The following FKBP5 variants were observed in gnomAD, a reference collection of about 807,000 sequenced individuals.
FKBP5 encodes FKBP prolyl isomerase 5, also known as peptidyl-prolyl cis-trans isomerase FKBP5.
Under a neutral mutation model 50.5 loss-of-function variants are expected in FKBP5, and 23 were observed. That is an observed-to-expected ratio of 0.46 (90% CI 0.33 to 0.65). FKBP5 has a LOEUF of 0.65. FKBP5 is among the 30% of genes least tolerant of loss of function. The pLI, the probability that FKBP5 is intolerant of heterozygous loss-of-function variation, is 0.02. For synonymous variants in FKBP5, 176 were observed against 190.6 expected, an observed-to-expected ratio of 0.92 and a Z score of 0.63; for missense variants, 411 against 553.1, an observed-to-expected ratio of 0.74 and a Z score of 2.58.
intron 3 of FKBP5, among the ~76,000 whole-genome samples, chr6:35,623,158 C>T (rs1030447361): frequency 1.5e-4 from 23 of 152,190 alleles, no homozygotes; most frequent in Non-Finnish European, 7.3e-5. Flanking sequence ...AGGAGAATGG[C>T]GTGAACCCAG....
At chr6:35,624,630 T>C (rs75712173) in intron 3 of FKBP5, among the ~76,000 whole-genome samples, 360 of 152,302 alleles carry the variant, frequency 2.4e-3, no homozygotes, top group African/African-American at 7.8e-3. Flanking sequence ...GGTCTCACTC[T>C]ACTCTAGTTG....
intron 2 of FKBP5, among the ~76,000 whole-genome samples, chr6:35,707,662 A>C (rs1766345271): frequency 6.6e-6 from 1 of 151,994 alleles, no homozygotes; most frequent in African/African-American, 2.4e-5. Flanking sequence ...CTAAGTTAGC[A>C]CCCAAGAGTT....
intron 5 of FKBP5, among the ~76,000 whole-genome samples, chr6:35,615,643 T>A (rs575721759): frequency 6.6e-6 from 1 of 152,320 alleles, no homozygotes; most frequent in South Asian, 2.1e-4. Flanking sequence ...TTCAAATTAA[T>A]GTAGAGAGAA....
At position 35,706,424 on chromosome 6, in the gene FKBP5, CAAAAA is replaced by C. The variant is rs71002595; in HGVS notation, c.-20+13899_-20+13903del. 2.0e-4 allele frequency among the ~76,000 whole-genome samples: 21 copies of C among 103,868 alleles called. No homozygotes were observed. In the East Asian group the frequency reaches 5.1e-3, roughly 25 times the overall value. The allele number at this position is 103,868 out of a possible 152,430, so 68.1% of individuals were successfully genotyped here. ...GGGCAACAAGAGTGAAACTCTGTCT[CAAAAA>C]AAAAAAAAAAAAAGAAAAGAAAAGA... is the stretch of plus-strand genomic sequence containing the variant. On this transcript the variant is annotated intron_variant, in intron 2 of 11. Transcript: ENST00000536438.
At chr6:35,706,382 C>T (rs1766315096) in intron 2 of FKBP5, among the ~76,000 whole-genome samples, 1 of 146,766 alleles carries the variant, frequency 6.8e-6, no homozygotes, top group Non-Finnish European at 1.5e-5. Flanking sequence ...CAAGATTGTG[C>T]CATTGCACTC....
At chr6:35,602,234 T>G (rs1257901742) in intron 5 of FKBP5, among the ~76,000 whole-genome samples, 1 of 152,134 alleles carries the variant, frequency 6.6e-6, no homozygotes, top group Non-Finnish European at 1.5e-5. Context: ...AATTTGTATT[T>G]TAGGAAGCAA....
At chr6:35,627,166 C>A (rs1764025321) in intron 3 of FKBP5, among the ~76,000 whole-genome samples, 1 of 152,116 alleles carries the variant, frequency 6.6e-6, no homozygotes, top group African/African-American at 2.4e-5. Flanking sequence ...TTTAACAGTA[C>A]CCATTCTAAC....
Position 35,671,276 on chromosome 6 carries a change from A to AT in FKBP5, c.-20+17527_-20+17528insA, listed in dbSNP as rs1554137149. 3.8e-3 allele frequency among the ~76,000 whole-genome samples: 567 copies of AT among 149,852 alleles called. 1 individual carries two copies. The highest frequency in any genetic ancestry group is 0.01 in the African/African-American group (419 of 41,004). ...GCAATCCTGTCTCAAAAAAAAAAAA[A>AT]AATAATAAATAAATAAACAAAAACA... On this transcript the variant is annotated intron_variant, in intron 1 of 10. Transcript: ENST00000357266.
At chr6:35,595,998 G>A (rs1156480376) in intron 6 of FKBP5, among the ~76,000 whole-genome samples, 4 of 152,136 alleles carry the variant, frequency 2.6e-5, no homozygotes, top group African/African-American at 9.7e-5. Context: ...GCTATGAAGA[G>A]TTCAAGGTAG....
At chr6:35,679,128 A>T in intron 1 of FKBP5, among the ~76,000 whole-genome samples, 1 of 152,214 alleles carries the variant, frequency 6.6e-6, no homozygotes, top group Non-Finnish European at 1.5e-5. Context: ...GTAATTAATG[A>T]ATCTGGGGAA....
chr6:35,702,927 C>T (rs189919134), intron 2 of FKBP5, among the ~76,000 whole-genome samples: 31 of 152,114 alleles, frequency 2.0e-4, no homozygotes, highest in Middle Eastern at 3.4e-3. Flanking sequence ...TTTAAAAATT[C>T]GTATTTTATC....
intron 2 of FKBP5, among the ~76,000 whole-genome samples, chr6:35,703,700 G>C (rs1256562074): frequency 6.6e-6 from 1 of 152,150 alleles, no homozygotes; most frequent in Non-Finnish European, 1.5e-5. Flanking sequence ...TCAGAACTCA[G>C]ATTCCCAGCC....
chr6:35,703,451 G>T (rs1485492573), intron 2 of FKBP5, among the ~76,000 whole-genome samples: 1 of 151,980 alleles, frequency 6.6e-6, no homozygotes, highest in Non-Finnish European at 1.5e-5. Context: ...ACATAGAAAT[G>T]ATACTCAAGG....
chr6:35,650,044 C>A (rs4713903), intron 1 of FKBP5, among the ~76,000 whole-genome samples: 112,621 of 152,056 alleles, frequency 0.74, 41,952 homozygotes, highest in African/African-American at 0.81. Flanking sequence ...AATTGGGAAA[C>A]TATTTTGTAA....
intron 8 of FKBP5, chr6:35,585,906 T>C (rs544367417): frequency 1.6e-5 from 16 of 985,012 alleles, no homozygotes; most frequent in African/African-American, 1.7e-5. Context: ...CATAATTCTC[T>C]AGTTGTTTCA....
At chr6:35,673,827 T>A (rs901628641) in intron 1 of FKBP5, among the ~76,000 whole-genome samples, 1 of 152,206 alleles carries the variant, frequency 6.6e-6, no homozygotes, top group Non-Finnish European at 1.5e-5. Flanking sequence ...AATTTATTTA[T>A]TGTACTACTA....
Position 35,642,729 on chromosome 6 carries a change from TC to T in FKBP5, c.95del (p.Gly32GlufsTer3). 1 of 1,613,392 alleles carries T rather than the reference TC, an allele frequency of 6.2e-7. No individual in the cohort carries two copies. The highest frequency in any genetic ancestry group is 8.5e-7 in the Non-Finnish European group (1 of 1,179,516). ...GEDITSKKDR[G>X]VLKIVKRVGN... ...AGCTTTGTGGCCTCACCTTTAATAC[TC>T]CCCTGTCTTTTTTGGAGGTAATATC... On this transcript the variant is annotated frameshift_variant, in exon 2 of 11. Coordinates refer to ENST00000357266, the MANE Select transcript of FKBP5 (RefSeq NM_004117.4). LOFTEE classifies it high-confidence loss of function.
chr6:35,579,433 C>A (rs1002316533), intron 9 of FKBP5, among the ~76,000 whole-genome samples: 3 of 152,036 alleles, frequency 2.0e-5, no homozygotes, highest in Admixed American at 6.6e-5. Flanking sequence ...ATAGTATCGG[C>A]TGGTGTATAA....
At chr6:35,603,654 TAAC>T (rs1314836389) in intron 5 of FKBP5, among the ~76,000 whole-genome samples, 21 of 132,654 alleles carry the variant, frequency 1.6e-4, no homozygotes, top group African/African-American at 3.7e-4. Context: ...TTTTTTTTTG[TAAC>T]AACAACAACA....
Sources: allele counts gnomAD v4.1 joint callset (sites outside exome capture counted in the v4.1 genomes callset), GRCh38; gene constraint gnomAD v4.1.1; transcripts MANE v1.5; gene names NCBI Gene and HGNC (gene_info 2026-07-23, HGNC 2026-07-21).